FUT8: variants seen among roughly 807,000 people sequenced by gnomAD.
The protein encoded by FUT8 is fucosyltransferase 8.
In FUT8, 29 loss-of-function variants were observed where a neutral mutation model predicts 71.3. That is an observed-to-expected ratio of 0.41 (90% CI 0.30 to 0.55). FUT8 has a LOEUF of 0.55. Among genes scored for constraint, FUT8 ranks in the 20% least tolerant of loss-of-function variants. The probability of loss-of-function intolerance (pLI) is 0.34; values close to 1 mark genes in which losing one functional copy is unlikely to be tolerated. For missense variants in FUT8, 544 were observed against 702.1 expected, an observed-to-expected ratio of 0.77 and a Z score of 2.55; for synonymous variants, 254 against 239.3, an observed-to-expected ratio of 1.06 and a Z score of -0.57.
At chr14:65,700,429 T>C (rs1422781323) in intron 7 of FUT8, among the ~76,000 whole-genome samples, 4 of 146,900 alleles carry the variant, frequency 2.7e-5, no homozygotes, top group Admixed American at 6.8e-5. Context: ...CTTGCTTTGT[T>C]GCCCAGGCTG....
At chr14:65,598,109 G>A (rs12895401) in intron 3 of FUT8, among the ~76,000 whole-genome samples, 81,407 of 152,010 alleles carry the variant, frequency 0.54, 22,255 homozygotes, top group East Asian at 0.61. Context: ...AGGAAGTCAA[G>A]GCTACACAGT....
the FUT8 span, among the ~76,000 whole-genome samples, chr14:65,371,909 T>A: frequency 2.1e-5 from 3 of 145,346 alleles, no homozygotes. Flanking sequence ...AAGGAATGTA[T>A]GTATATATAT....
At chr14:65,693,183 C>G (rs1005329162) in intron 7 of FUT8, among the ~76,000 whole-genome samples, 6 of 152,090 alleles carry the variant, frequency 3.9e-5, no homozygotes, top group African/African-American at 9.7e-5. Flanking sequence ...TGTAGCGAGC[C>G]GAGATCACGC....
chr14:65,646,501 A>C (rs1175431345), intron 6 of FUT8: 1 of 152,196 alleles, frequency 6.6e-6, no homozygotes, highest in East Asian at 1.9e-4. Flanking sequence ...ACTAGGACTC[A>C]CTTTCCATCT....
At chr14:65,432,761 A>G (rs143290414) in intron 1 of FUT8, among the ~76,000 whole-genome samples, 15 of 152,270 alleles carry the variant, frequency 9.9e-5, no homozygotes, top group South Asian at 6.2e-4. Flanking sequence ...GCACCGCTCT[A>G]TGACAGCTTA....
At position 65,650,023 on chromosome 14, in the gene FUT8, G is replaced by A. The variant is rs1321526191; in HGVS notation, c.598-19220G>A. On this transcript the variant is annotated intron_variant, in intron 6 of 10. Transcript: ENST00000673929. ...GCTATAAAGAAATACCTGGCTGGGT[G>A]CGGTGGCTCACGCCTGTAATGCCAG... 2.6e-5 allele frequency among the ~76,000 whole-genome samples: 4 copies of A among 152,246 alleles called. No individual in the cohort carries two copies. In the East Asian group the frequency reaches 7.7e-4, roughly 29 times the overall value.
chr14:65,537,542 C>T, intron 2 of FUT8, among the ~76,000 whole-genome samples: 1 of 152,070 alleles, frequency 6.6e-6, no homozygotes, highest in Non-Finnish European at 1.5e-5. Flanking sequence ...CACCTGCCAC[C>T]ACGCCCGGCT....
rs1275305817 is a variant in FUT8, at chr14:65,712,359, C to T, written c.836-9416C>T. Reference sequence around the variant, plus strand: ...TAATCTGTAAAAATTAGCATCTAGTCTCTGAACTTTAGAGTTCAAGGTAAA... The same window carrying T: ...TAATCTGTAAAAATTAGCATCTAGTTTCTGAACTTTAGAGTTCAAGGTAAA... On this transcript the variant is annotated intron_variant, in intron 7 of 10. Coordinates refer to ENST00000673929, the MANE Select transcript of FUT8 (RefSeq NM_001371533.1). 3.9e-5 allele frequency among the ~76,000 whole-genome samples: 6 copies of T among 152,172 alleles called. No homozygotes were observed. In the East Asian group the frequency reaches 1.2e-3, roughly 29 times the overall value.
At chr14:65,490,328 C>G (rs1262611996) in intron 2 of FUT8, among the ~76,000 whole-genome samples, 1 of 152,128 alleles carries the variant, frequency 6.6e-6, no homozygotes, top group South Asian at 2.1e-4. Flanking sequence ...CCTTTTAGTT[C>G]TTGTATTGCT....
chr14:65,663,484 GT>G (rs949292410), intron 6 of FUT8, among the ~76,000 whole-genome samples: 2 of 151,810 alleles, frequency 1.3e-5, no homozygotes, highest in African/African-American at 4.8e-5. Context: ...TTATGAGCAA[GT>G]TATTTTGAAT....
chr14:65,561,515 C>A lies in FUT8; in HGVS notation c.-49C>A. The A allele has an allele frequency of 1.3e-6, 2 of 1,567,718 alleles. No homozygotes were observed. The highest frequency in any genetic ancestry group is 2.2e-5 in the South Asian group (2 of 89,502). On this transcript the variant is annotated 5_prime_UTR_variant, in exon 3 of 11. The change creates a premature stop within an existing upstream ORF in the 5' untranslated region. Transcript: ENST00000673929. ...ACTAGAAACAGAGTTACAATGTTTT[C>A]AATTCTTTGAGCTCCAGGACTCCAG...
chr14:65,368,046 A>C, the FUT8 span, among the ~76,000 whole-genome samples: 1 of 142,468 alleles, frequency 7.0e-6, no homozygotes, highest in East Asian at 2.1e-4. Flanking sequence ...CATAGGCAAA[A>C]TTACTTTTTT....
At position 65,613,972 on chromosome 14, in the gene FUT8, G is replaced by C. The variant is rs192296375; in HGVS notation, c.204-2006G>C. On this transcript the variant is annotated intron_variant, in intron 3 of 10. Coordinates refer to ENST00000673929, the MANE Select transcript of FUT8 (RefSeq NM_001371533.1). ...ACTAAAAATGTAAAAAAATTAGCCA[G>C]GGATGGTGGTGCATTCCCGTAATCC... 5.2e-3 allele frequency among the ~76,000 whole-genome samples: 789 copies of C among 152,164 alleles called. 2 individuals are homozygous for C. The highest frequency in any genetic ancestry group is 8.3e-3 in the Non-Finnish European group (563 of 68,022).
rs184155112 is a variant in FUT8 at position 65,699,824 on chromosome 14, T to A, written c.836-21951T>A. On this transcript the variant is annotated intron_variant, in intron 7 of 10. Coordinates refer to ENST00000673929, the MANE Select transcript of FUT8 (RefSeq NM_001371533.1). ...TCAAAGAATATTTACTGGTTTTTTTTATATAGGTTAGAGGAAATAATCATA... is the reference window on the plus strand; with the variant it reads ...TCAAAGAATATTTACTGGTTTTTTTAATATAGGTTAGAGGAAATAATCATA... 3.9e-5 allele frequency among the ~76,000 whole-genome samples: 6 copies of A among 152,316 alleles called. No individual in the cohort carries two copies. In the East Asian group the frequency reaches 1.2e-3, roughly 29 times the overall value.
At chr14:65,663,142 T>TC (rs1405804101) in intron 6 of FUT8, among the ~76,000 whole-genome samples, 35 of 152,244 alleles carry the variant, frequency 2.3e-4, no homozygotes, top group Admixed American at 9.8e-4. Flanking sequence ...AGGCATCAAC[T>TC]GGATAGTATA....
chr14:65,507,054 TAAC>T (rs996880629), intron 2 of FUT8, among the ~76,000 whole-genome samples: 4 of 152,168 alleles, frequency 2.6e-5, no homozygotes, highest in African/African-American at 9.7e-5. Flanking sequence ...TAAGATTAAT[TAAC>T]AAAGGCTTGA....
chr14:65,410,679 T>C (rs751016932), upstream of FUT8: 1 of 152,044 alleles, frequency 6.6e-6, no homozygotes, highest in Non-Finnish European at 1.5e-5. Context: ...AAATGGAATT[T>C]TTAGGCAAAT....
chr14:65,521,167 C>T (rs1005324533), intron 2 of FUT8, among the ~76,000 whole-genome samples: 4 of 151,872 alleles, frequency 2.6e-5, no homozygotes, highest in Non-Finnish European at 5.9e-5. Context: ...AAGTATGAAT[C>T]TTATATAGTG....
At chr14:65,560,285 T>C (rs936883544) in intron 2 of FUT8, among the ~76,000 whole-genome samples, 1 of 152,160 alleles carries the variant, frequency 6.6e-6, no homozygotes, top group African/African-American at 2.4e-5. Context: ...TATGGAACTC[T>C]GTCTAGACAT....
Sources: allele counts gnomAD v4.1 joint callset (sites outside exome capture counted in the v4.1 genomes callset), GRCh38; gene constraint gnomAD v4.1.1; transcripts MANE v1.5; gene names NCBI Gene and HGNC (gene_info 2026-07-23, HGNC 2026-07-21).